LAMP1: variants seen among roughly 807,000 people sequenced by gnomAD.
LAMP1 encodes the protein lysosome associated membrane protein 1.
LAMP1 carries 7 observed loss-of-function variants against 37.5 expected under a neutral mutation model. That is an observed-to-expected ratio of 0.19 (90% CI 0.11 to 0.35). LAMP1 has a LOEUF of 0.35. LAMP1 is among the 10% of genes least tolerant of loss of function. The probability of loss-of-function intolerance (pLI) is 1.00; values close to 1 mark genes in which losing one functional copy is unlikely to be tolerated. For synonymous variants in LAMP1, 236 were observed against 229.1 expected, an observed-to-expected ratio of 1.03 and a Z score of -0.27; for missense variants, 537 against 552.8, an observed-to-expected ratio of 0.97 and a Z score of 0.29.
chr13:113,306,637 C>T (rs1189537352), intron 2 of LAMP1, 31 bp downstream of exon 2: 1 of 1,592,818 alleles, frequency 6.3e-7, no homozygotes, highest in South Asian at 1.1e-5. Context: ...TCATGCTTCC[C>T]TTGTGTGTGT....
chr13:113,306,834 C>CTTTTTTTTTTTTTTTTT (rs780041684), intron 2 of LAMP1, among the ~76,000 whole-genome samples: 5 of 80,160 alleles, frequency 6.2e-5, no homozygotes, highest in Admixed American at 2.3e-4. Context: ...GAACATTTTC[C>CTTTTTTTTTTTTTTTTT]TTTTTTTTTT....
At chr13:113,319,239 T>C (rs1014302380) in intron 4 of LAMP1, among the ~76,000 whole-genome samples, 1 of 152,200 alleles carries the variant, frequency 6.6e-6, no homozygotes, top group Admixed American at 6.5e-5. Flanking sequence ...AGGTGGAGGC[T>C]GAGGGTGCCC....
intron 4 of LAMP1, among the ~76,000 whole-genome samples, chr13:113,317,737 A>T (rs1265878729): frequency 7.0e-6 from 1 of 142,164 alleles, no homozygotes; most frequent in African/African-American, 2.7e-5. Flanking sequence ...CCCAGGCTGG[A>T]GTGCAGTGGC....
rs111455645 is a variant in LAMP1 at position 113,309,838 on chromosome 13, C to A, written c.379C>A (p.Leu127Ile). ...SFVYNLSDTH[L>I]FPNASSKEIK... Reference sequence around the variant, plus strand: ...TGTTTATAACTTGTCAGACACACACCTTTTCCCCAATGCGAGCTCCAAAGG... The same window carrying A: ...TGTTTATAACTTGTCAGACACACACATTTTCCCCAATGCGAGCTCCAAAGG... Residue 127 changes from leucine (L) to isoleucine (I), a missense_variant, in exon 3 of 9, where the codon CTT becomes ATT. Transcript: ENST00000332556. The A allele has an allele frequency of 6.2e-7, 1 of 1,613,164 alleles. No individual in the cohort carries two copies. Among genetic ancestry groups the A allele is most frequent in the African/African-American group, 1.3e-5 (1 of 75,032 alleles).
At position 113,322,448 on chromosome 13, in the gene LAMP1, C is replaced by G. The variant is rs1362899438; in HGVS notation, c.*27C>G. On this transcript the variant is annotated 3_prime_UTR_variant, in exon 9 of 9. Transcript: ENST00000332556. ...CTGGTGCACGCAGGCACAGCAGCTG[C>G]AGGGGCCTCTGTTCCTTTCTCTGGG... The G allele has an allele frequency of 6.3e-7, 1 of 1,589,836 alleles. No homozygotes were observed. Among genetic ancestry groups the G allele is most frequent in the Non-Finnish European group, 8.6e-7 (1 of 1,163,226 alleles).
chr13:113,314,358 G>T lies in LAMP1; in HGVS notation c.562+3491G>T, dbSNP rs112537079. The stretch of plus-strand genomic sequence containing the variant: ...CGGAGATGCCCGTGTGCCTGGGGCG[G>T]GGCCTCCTGGAGGGAACCAGCGTGG... On this transcript the variant is annotated intron_variant, in intron 4 of 8. Coordinates refer to ENST00000332556, the MANE Select transcript of LAMP1 (RefSeq NM_005561.4). Among the ~76,000 whole-genome samples the T allele has an allele frequency of 6.1e-3, 362 of 59,492 alleles. 2 individuals carry two copies. The highest frequency in any genetic ancestry group is 0.017 in the Middle Eastern group (1 of 58). 39.0% of individuals were successfully genotyped at this position (59,492 alleles called of 152,430 possible).
At chr13:113,306,758 G>A (rs2042600858) in intron 2 of LAMP1, 152 bp downstream of exon 2, 2 of 737,630 alleles carry the variant, frequency 2.7e-6, no homozygotes, top group African/African-American at 3.6e-5. Context: ...AACCTGCGCT[G>A]TCATGTGCCA....
chr13:113,318,999 C>T (rs1172251567), intron 4 of LAMP1, among the ~76,000 whole-genome samples: 1 of 152,258 alleles, frequency 6.6e-6, no homozygotes, highest in African/African-American at 2.4e-5. Context: ...ACGATCCTGG[C>T]GCTCACCCGA....
At position 113,317,075 on chromosome 13, in the gene LAMP1, T is replaced by C. The variant is rs147392425; in HGVS notation, c.563-2394T>C. Among the ~76,000 whole-genome samples, 1,391 of 152,276 alleles carry C rather than the reference T, an allele frequency of 9.1e-3. 18 individuals carry two copies. The highest frequency in any genetic ancestry group is 0.032 in the African/African-American group (1,324 of 41,546). On this transcript the variant is annotated intron_variant, in intron 4 of 8. Transcript: ENST00000332556. ...TCACAGACACCCTTGAGGGTCTGAA[T>C]TGCAGCTTGCAGGTTGATGTGAGTA...
rs1408500522 is a variant in LAMP1, at chr13:113,322,544, A to G, written c.*123A>G. On this transcript the variant is annotated 3_prime_UTR_variant, in exon 9 of 9. Transcript: ENST00000332556. The stretch of plus-strand genomic sequence containing the variant: ...CTCAAATCTGCTTCATCCAATGTGA[A>G]GTTCATCTTGCAGCATTTACTATGC... The G allele has an allele frequency of 1.1e-6, 1 of 888,256 alleles. No homozygotes were observed. Among genetic ancestry groups the G allele is most frequent in the Admixed American group, 2.8e-5 (1 of 35,356 alleles). The allele number at this position is 888,256 out of a possible 1,614,324, so 55.0% of individuals were successfully genotyped here. A position where few individuals can be genotyped will look rare whatever the true frequency, so the allele number is the denominator to read the frequency against.
At chr13:113,301,634 AAAAAAAAAAAATATATATATATATAT>A (rs1317198126) in intron 1 of LAMP1, among the ~76,000 whole-genome samples, 2 of 20,182 alleles carry the variant, frequency 9.9e-5, no homozygotes, top group African/African-American at 3.5e-4. Context: ...ATTTAAAAAA[AAAAAAAAAAAATATATATATATATAT>A]ATATATATAT....
At position 113,310,836 on chromosome 13, in the gene LAMP1, G is replaced by A. The variant is rs752817199; in HGVS notation, c.531G>A (p.Ala177=). 2.9e-5 allele frequency: 46 copies of A among 1,613,660 alleles called. No homozygotes were observed. Among genetic ancestry groups the A allele is most frequent in the South Asian group, 4.4e-5 (4 of 91,022 alleles). The change falls in exon 4 of 9, where the codon GCG becomes GCA. Residue 177 remains alanine (A), a synonymous_variant. Coordinates refer to ENST00000332556, the MANE Select transcript of LAMP1 (RefSeq NM_005561.4). Reference sequence around the variant, plus strand: ...CGCTCCATGATGCCACCATCCAGGCGTACCTTTCCAACAGCAGCTTCAGCC... The same window carrying A: ...CGCTCCATGATGCCACCATCCAGGCATACCTTTCCAACAGCAGCTTCAGCC... The part of the protein sequence containing the change: ...TVTLHDATIQ[A]YLSNSSFSRG...
chr13:113,316,483 C>T (rs1035676177), intron 4 of LAMP1, among the ~76,000 whole-genome samples: 4 of 149,034 alleles, frequency 2.7e-5, no homozygotes, highest in African/African-American at 5.0e-5. Flanking sequence ...AGTGCAGTGG[C>T]GTGATCTCTG....
chr13:113,311,990 G>C (rs532659474), intron 4 of LAMP1, among the ~76,000 whole-genome samples: 1 of 152,294 alleles, frequency 6.6e-6, no homozygotes, highest in South Asian at 2.1e-4. Flanking sequence ...CCCTTAGGGT[G>C]GGCTTTCCTG....
intron 2 of LAMP1, among the ~76,000 whole-genome samples, chr13:113,307,799 A>T (rs1430542041): frequency 7.4e-6 from 1 of 134,726 alleles, no homozygotes; most frequent in East Asian, 2.6e-4. Context: ...TCTTTTTTAA[A>T]AAAAAAAAAA....
rs1158608278 is a variant in LAMP1, at chr13:113,315,382, C to CTTTTT, written c.563-4066_563-4062dup. Among the ~76,000 whole-genome samples the CTTTTT allele has an allele frequency of 1.1e-3, 64 of 60,424 alleles. 1 individual carries two copies. Among genetic ancestry groups the CTTTTT allele is most frequent in the East Asian group, 3.0e-3 (5 of 1,648 alleles). The allele number at this position is 60,424 out of a possible 152,430, so 39.6% of individuals were successfully genotyped here. ...CACCAGAAAGCCTCATGTATCTTGT[C>CTTTTT]TTTTTTTTTTTTTTTTTTTTTTTTT... On this transcript the variant is annotated intron_variant, in intron 4 of 8. Transcript: ENST00000332556.
Position 113,320,556 on chromosome 13 carries a change from G to T in LAMP1, c.876+86G>T. ...GCCCTGGGTCTGCTCATGGGAGGCA[G>T]CGTTAGGAAGGAGGCGGCCTCACTT... On this transcript the variant is annotated intron_variant, in intron 6 of 8. Transcript: ENST00000332556. This position sits in a 1 kb window ranked among gnomAD's most constrained non-coding sequence, Gnocchi z 4.4. 2 of 1,458,026 alleles carry T rather than the reference G, an allele frequency of 1.4e-6. No individual in the cohort carries two copies. The highest frequency in any genetic ancestry group is 2.4e-5 in the South Asian group (2 of 82,710). 90.3% of individuals were successfully genotyped at this position (1,458,026 alleles called of 1,614,324 possible). A position where few individuals can be genotyped will look rare whatever the true frequency, so the allele number is the denominator to read the frequency against.
At position 113,322,464 on chromosome 13, in the gene LAMP1, T is replaced by A. The variant is rs1376148565; in HGVS notation, c.*43T>A. On this transcript the variant is annotated 3_prime_UTR_variant, in exon 9 of 9. Coordinates refer to ENST00000332556, the MANE Select transcript of LAMP1 (RefSeq NM_005561.4). The stretch of plus-strand genomic sequence containing the variant: ...CAGCAGCTGCAGGGGCCTCTGTTCC[T>A]TTCTCTGGGCTTAGGGTCCTGTCGA... 4 of 1,566,962 alleles carry A rather than the reference T, an allele frequency of 2.6e-6. No individual in the cohort carries two copies. Among genetic ancestry groups the A allele is most frequent in the Non-Finnish European group, 2.6e-6 (3 of 1,150,712 alleles).
chr13:113,298,460 C>T (rs972991766), intron 1 of LAMP1, among the ~76,000 whole-genome samples: 2 of 148,088 alleles, frequency 1.4e-5, no homozygotes, highest in Non-Finnish European at 3.0e-5. Flanking sequence ...ATGCCAGGAT[C>T]TGAAAGGTGA....
Sources: allele counts gnomAD v4.1 joint callset (sites outside exome capture counted in the v4.1 genomes callset), GRCh38; gene constraint gnomAD v4.1.1; non-coding constraint Gnocchi (gnomAD v3.1); transcripts MANE v1.5; gene names NCBI Gene and HGNC (gene_info 2026-07-23, HGNC 2026-07-21).